Variants in E2F6 observed in about 807,000 individuals in gnomAD.
E2F6 encodes transcription factor E2F6.
In E2F6, 19 loss-of-function variants were observed where a neutral mutation model predicts 31.5. That is an observed-to-expected ratio of 0.60 (90% confidence interval 0.42 to 0.89). The LOEUF is 0.89. Among genes scored for constraint, E2F6 ranks in the 40% least tolerant of loss-of-function variants. The pLI is 0.00. For synonymous variants in E2F6, 121 were observed against 127.7 expected, an observed-to-expected ratio of 0.95 and a Z score of 0.36; for missense variants, 269 against 341.6, an observed-to-expected ratio of 0.79 and a Z score of 1.67.
chr2:11,448,890 A>T (rs1309445901), intron 5 of E2F6, among the ~76,000 whole-genome samples: 1 of 152,212 alleles, frequency 6.6e-6, no homozygotes, highest in Non-Finnish European at 1.5e-5. Context: ...AAGAAAAAGG[A>T]GCAGGCCGGA....
In E2F6 at chr2:11,450,053, C is replaced by G; in HGVS notation, c.610G>C (p.Ala204Pro). The G allele has an allele frequency of 6.2e-7, 1 of 1,613,700 alleles. No homozygotes were observed. Among genetic ancestry groups the G allele is most frequent in the Non-Finnish European group, 8.5e-7 (1 of 1,179,782 alleles). The part of the protein sequence containing the change: ...FHEQIVIAVK[A>P]PAETRLDVPA... ...ACATCCAATCTGGTTTCTGCTGGAG[C>G]TTTAACTGCAATGACGATCTGTTCA... The change falls in exon 5 of 7, where the codon GCT becomes CCT. Residue 204 changes from alanine (A) to proline (P), a missense_variant. Physicochemically the swap from Ala to Pro is conservative, Grantham distance 27. Transcript: ENST00000381525.
At chr2:11,456,112 G>C (rs1042350820) in intron 2 of E2F6, among the ~76,000 whole-genome samples, 6 of 152,204 alleles carry the variant, frequency 3.9e-5, no homozygotes, top group Non-Finnish European at 7.3e-5. Context: ...CAGCCTACAA[G>C]GGCCTGGTCT....
chr2:11,444,375 T>C lies in E2F6; in HGVS notation c.*2102A>G, dbSNP rs1670600680. On this transcript the variant is annotated 3_prime_UTR_variant, in exon 7 of 7. Coordinates refer to ENST00000381525, the MANE Select transcript of E2F6 (RefSeq NM_198256.4). ...GAATCAGAGACCCAACGCCAGAAGA[T>C]GGAGTGACTCGAGAGATACTTCATT... The C allele has an allele frequency of 6.6e-6, 1 of 152,142 alleles. No homozygotes were observed. Among genetic ancestry groups the C allele is most frequent in the African/African-American group, 2.4e-5 (1 of 41,422 alleles). The allele number at this position is 152,142 out of a possible 1,614,324, so 9.4% of individuals were successfully genotyped here.
In E2F6 at chr2:11,453,563, A is replaced by C. The variant is rs757662103; in HGVS notation, c.380+19T>G. ...ATGAGAAGGAACAAAAGCCACGAAA[A>C]AGTTTGAAAGCAACTCACATCCATC... On this transcript the variant is annotated intron_variant, in intron 3 of 6. Transcript: ENST00000381525. 17 of 1,611,414 alleles carry C rather than the reference A, an allele frequency of 1.1e-5. No individual in the cohort carries two copies. Among genetic ancestry groups the C allele is most frequent in the Non-Finnish European group, 1.4e-5 (16 of 1,178,464 alleles).
chr2:11,457,219 C>T lies in E2F6; in HGVS notation c.123G>A (p.Arg41=), dbSNP rs982499587. 3.9e-6 allele frequency: 6 copies of T among 1,553,312 alleles called. No homozygotes were observed. The highest frequency in any genetic ancestry group is 4.4e-6 in the Non-Finnish European group (5 of 1,128,346). The change falls in exon 2 of 7, where the codon AGG becomes AGA. Residue 41 remains arginine, a synonymous_variant. Transcript: ENST00000381525. ...NVEGLLPSKI[R]INLEDNVQYV... ...ATTGTACATTATCTTCTAAATTAAT[C>T]CTTATTTTTGATGGCTGAAAAAAAA... is the stretch of plus-strand genomic sequence containing the variant.
At chr2:11,464,130 T>C (rs1671972451) in intron 1 of E2F6, among the ~76,000 whole-genome samples, 1 of 152,052 alleles carries the variant, frequency 6.6e-6, no homozygotes, top group African/African-American at 2.4e-5. Context: ...GACGAGCTTG[T>C]CGGTGACCTT....
chr2:11,465,817 C>A lies in E2F6; in HGVS notation c.63G>T (p.Thr21=). 2 of 1,597,690 alleles carry A rather than the reference C, an allele frequency of 1.3e-6. No individual in the cohort carries two copies. Among genetic ancestry groups the A allele is most frequent in the East Asian group, 2.3e-5 (1 of 44,072 alleles). ...PSLLLDPTEE[T]VRRRCRDPIN... is the part of the protein sequence containing the mutation. Reference sequence around the variant, plus strand: ...TGGGGTCTCGGCACCGACGGCGAACCGTCTCCTCCGTCGGGTCCAGGAGGA... The same window carrying A: ...TGGGGTCTCGGCACCGACGGCGAACAGTCTCCTCCGTCGGGTCCAGGAGGA... Residue 21 remains threonine (T), a synonymous_variant, in exon 1 of 7, where the codon ACG becomes ACT. Coordinates refer to ENST00000381525, the MANE Select transcript of E2F6 (RefSeq NM_198256.4).
At chr2:11,452,599 G>A (rs558627819) in intron 3 of E2F6, among the ~76,000 whole-genome samples, 7 of 147,846 alleles carry the variant, frequency 4.7e-5, no homozygotes, top group African/African-American at 1.0e-4. Context: ...GCAAGACCCC[G>A]TCTCAAAAGA....
At chr2:11,462,818 G>A (rs1671868634) in intron 1 of E2F6, among the ~76,000 whole-genome samples, 1 of 152,198 alleles carries the variant, frequency 6.6e-6, no homozygotes, top group African/African-American at 2.4e-5. Context: ...ATGGCAAGCA[G>A]TTTAAAACTA....
intron 2 of E2F6, among the ~76,000 whole-genome samples, chr2:11,456,346 A>G (rs1221718476): frequency 2.0e-5 from 3 of 152,178 alleles, no homozygotes; most frequent in African/African-American, 7.2e-5. Flanking sequence ...CTGGAAGCTG[A>G]CTGCCTTCTA....
intron 6 of E2F6, among the ~76,000 whole-genome samples, chr2:11,447,327 G>T (rs1322368907): frequency 6.6e-6 from 1 of 152,154 alleles, no homozygotes; most frequent in Non-Finnish European, 1.5e-5. Flanking sequence ...CAGGTCATGG[G>T]CAGGCTCTTT....
chr2:11,461,509 G>C (rs1274085550), intron 1 of E2F6, among the ~76,000 whole-genome samples: 1 of 152,150 alleles, frequency 6.6e-6, no homozygotes, highest in African/African-American at 2.4e-5. Context: ...ACGTCACCAA[G>C]CCTGGCTAAT....
At chr2:11,452,000 C>T (rs1240899443) in intron 3 of E2F6, among the ~76,000 whole-genome samples, 194 bp from the exon 4 acceptor site, 2 of 152,126 alleles carry the variant, frequency 1.3e-5, no homozygotes, top group Admixed American at 6.6e-5. Context: ...ATTTATAGTT[C>T]TTCATCTTAT....
Position 11,446,537 on chromosome 2 carries a change from C to T in E2F6, c.800-14G>A, listed in dbSNP as rs377480770. The stretch of plus-strand genomic sequence containing the variant: ...GAGGATTTTCTTCTGGAAAAGAACA[C>T]GAGAGAGAAATACACCTAAGTGAAT... On this transcript the variant is annotated splice_polypyrimidine_tract_variant and intron_variant, in intron 6 of 6. Coordinates refer to ENST00000381525, the MANE Select transcript of E2F6 (RefSeq NM_198256.4). 17 of 1,612,050 alleles carry T rather than the reference C, an allele frequency of 1.1e-5. No homozygotes were observed. The African/African-American group carries it at 1.1e-4, about 10-fold the overall frequency.
At chr2:11,463,196 G>T (rs932322327) in intron 1 of E2F6, among the ~76,000 whole-genome samples, 4 of 152,036 alleles carry the variant, frequency 2.6e-5, no homozygotes, top group Non-Finnish European at 5.9e-5. Flanking sequence ...GAATTGTGTG[G>T]GTCCACTTAG....
intron 1 of E2F6, among the ~76,000 whole-genome samples, 187 bp downstream of exon 1, chr2:11,465,585 C>T (rs934344074): frequency 6.6e-6 from 1 of 152,232 alleles, no homozygotes; most frequent in Non-Finnish European, 1.5e-5. Context: ...AAGACTGATA[C>T]CACGTCTGTG....
chr2:11,446,933 G>A (rs1670754530), intron 6 of E2F6, among the ~76,000 whole-genome samples: 1 of 152,208 alleles, frequency 6.6e-6, no homozygotes, highest in Non-Finnish European at 1.5e-5. Flanking sequence ...GGCTCTGCAA[G>A]GGCCACCTGA....
At position 11,445,239 on chromosome 2, in the gene E2F6, G is replaced by A. The variant is rs1348671938; in HGVS notation, c.*1238C>T. On this transcript the variant is annotated 3_prime_UTR_variant, in exon 7 of 7. Coordinates refer to ENST00000381525, the MANE Select transcript of E2F6 (RefSeq NM_198256.4). The stretch of plus-strand genomic sequence containing the variant: ...TTCAAACGATACAGGAATCTTGTAC[G>A]ATAGACAAACCAAATATTATTATTC... 2.6e-5 allele frequency: 4 copies of A among 152,260 alleles called. No individual in the cohort carries two copies. The highest frequency in any genetic ancestry group is 7.2e-5 in the African/African-American group (3 of 41,438). 9.4% of individuals were successfully genotyped at this position (152,260 alleles called of 1,614,324 possible).
chr2:11,450,633 T>C (rs1001484262), intron 4 of E2F6, among the ~76,000 whole-genome samples: 10 of 152,220 alleles, frequency 6.6e-5, no homozygotes, highest in African/African-American at 2.2e-4. Flanking sequence ...TCATGTATGA[T>C]GTTACTTCAT....
Sources: gnomAD v4.1 joint callset for allele counts (sites outside exome capture counted in the v4.1 genomes callset) on GRCh38, gnomAD v4.1.1 for gene constraint, MANE v1.5 for transcripts, NCBI Gene and HGNC (gene_info 2026-07-23, HGNC 2026-07-21) for gene names.